PREX2: variants seen among roughly 807,000 people sequenced by gnomAD.
PREX2 encodes phosphatidylinositol 3,4,5-trisphosphate-dependent Rac exchanger 2 protein.
PREX2 carries 107 observed loss-of-function variants against 203.2 expected under a neutral mutation model. The ratio of observed to expected loss-of-function variants is 0.53; its 90% confidence interval spans 0.45 to 0.62. The LOEUF (loss-of-function observed/expected upper bound fraction) is 0.62. Ranked by LOEUF, PREX2 falls within the 20% of genes least tolerant of loss-of-function variation. PREX2 has a pLI of 0.00. For synonymous variants in PREX2, 672 were observed against 663.6 expected, an observed-to-expected ratio of 1.01 and a Z score of -0.19; for missense variants, 1,777 against 1,955.9, an observed-to-expected ratio of 0.91 and a Z score of 1.72.
intron 32 of PREX2, among the ~76,000 whole-genome samples, chr8:68,137,858 G>T (rs949917586): frequency 6.6e-6 from 1 of 152,086 alleles, no homozygotes; most frequent in Non-Finnish European, 1.5e-5. Flanking sequence ...AGACTAAGAC[G>T]CCATAAAGCC....
chr8:68,109,531 A>C lies in PREX2; in HGVS notation c.3054A>C (p.Glu1018Asp), dbSNP rs1810493669. 2 of 1,614,094 alleles carry C rather than the reference A, an allele frequency of 1.2e-6. No homozygotes were observed. Among genetic ancestry groups the C allele is most frequent in the Non-Finnish European group, 1.7e-6 (2 of 1,179,938 alleles). ...GTCTCAGGTATCTGCTAAAAGAAGA[A>C]GACTTAGAAACCCAAGACATCTATC... ...GHGLRYLLKE[E>D]DLETQDIYQK... Residue 1018 changes from glutamate (E) to aspartate (D), a missense_variant, in exon 25 of 40, where the codon GAA (glutamate) becomes GAC (aspartate). Glu to Asp is a conservative substitution (Grantham distance 45, BLOSUM62 2). Transcript: ENST00000288368.
intron 23 of PREX2, among the ~76,000 whole-genome samples, chr8:68,101,083 C>A (rs1810251746): frequency 6.6e-6 from 1 of 152,096 alleles, no homozygotes; most frequent in Non-Finnish European, 1.5e-5. Flanking sequence ...TTATTTCCAT[C>A]CAAATGAAGT....
intron 1 of PREX2, among the ~76,000 whole-genome samples, chr8:67,994,543 C>T (rs1386137409): frequency 1.3e-5 from 2 of 152,022 alleles, no homozygotes; most frequent in Non-Finnish European, 2.9e-5. Flanking sequence ...GATTTATTCT[C>T]CCATAATAAT....
At chr8:68,211,720 C>T (rs1812745512) in intron 37 of PREX2, among the ~76,000 whole-genome samples, 2 of 152,090 alleles carry the variant, frequency 1.3e-5, no homozygotes, top group Admixed American at 1.3e-4. Context: ...TAGTGAAAGA[C>T]AGAGTAAAAA....
At chr8:68,103,476 G>A (rs374395133) in intron 23 of PREX2, 14 of 501,776 alleles carry the variant, frequency 2.8e-5, no homozygotes, top group South Asian at 4.4e-5. Flanking sequence ...TTGTTTATTC[G>A]TGTCAGCGTA....
At chr8:68,116,807 A>G (rs1810669048) in intron 26 of PREX2, among the ~76,000 whole-genome samples, 1 of 152,164 alleles carries the variant, frequency 6.6e-6, no homozygotes, top group East Asian at 1.9e-4. Flanking sequence ...TTTCAAACAT[A>G]TGAATTTTAT....
chr8:68,221,035 G>T (rs759291979), intron 38 of PREX2, among the ~76,000 whole-genome samples: 3 of 152,022 alleles, frequency 2.0e-5, no homozygotes, highest in Non-Finnish European at 2.9e-5. Flanking sequence ...CCCTTTTGGA[G>T]TCCGCAGTAT....
intron 14 of PREX2, among the ~76,000 whole-genome samples, chr8:68,074,461 T>C (rs920373014): frequency 6.6e-6 from 1 of 152,226 alleles, no homozygotes; most frequent in African/African-American, 2.4e-5. Context: ...TACTGCTTAC[T>C]GCAATAGCTG....
At chr8:68,052,378 T>A (rs1563519173) in intron 8 of PREX2, among the ~76,000 whole-genome samples, 1 of 152,190 alleles carries the variant, frequency 6.6e-6, no homozygotes, top group Non-Finnish European at 1.5e-5. Flanking sequence ...TGTATAGGGT[T>A]TGCTGTTGAC....
intron 1 of PREX2, among the ~76,000 whole-genome samples, chr8:67,980,635 C>A (rs756072905): frequency 6.6e-6 from 1 of 152,082 alleles, no homozygotes; most frequent in Non-Finnish European, 1.5e-5. Flanking sequence ...TGTCATAATC[C>A]CCATGTGTCA....
chr8:68,167,250 C>T (rs946136760), intron 35 of PREX2, among the ~76,000 whole-genome samples: 1 of 152,042 alleles, frequency 6.6e-6, no homozygotes. Context: ...CTCAGCATGG[C>T]AGTTGGGATC....
chr8:68,126,847 A>G (rs998721338), intron 30 of PREX2, among the ~76,000 whole-genome samples: 1 of 151,960 alleles, frequency 6.6e-6, no homozygotes, highest in African/African-American at 2.4e-5. Flanking sequence ...AAGAGTATAT[A>G]TATACACACA....
At chr8:68,137,302 C>T (rs1174481617) in intron 32 of PREX2, among the ~76,000 whole-genome samples, 1 of 152,014 alleles carries the variant, frequency 6.6e-6, no homozygotes, top group Non-Finnish European at 1.5e-5. Context: ...GGGTCTTGCT[C>T]TGTCGCCCAG....
chr8:68,224,265 C>T (rs908483325), intron 38 of PREX2, among the ~76,000 whole-genome samples: 4 of 152,132 alleles, frequency 2.6e-5, no homozygotes, highest in South Asian at 2.1e-4. Context: ...AACCCTTCCA[C>T]GTTGGCCCCT....
chr8:68,162,388 A>G (rs192572874), intron 35 of PREX2, among the ~76,000 whole-genome samples: 4 of 152,294 alleles, frequency 2.6e-5, no homozygotes, highest in East Asian at 1.9e-4. Context: ...ATGTGAATTT[A>G]TGTTTAACAA....
At chr8:68,217,783 C>A in intron 38 of PREX2, 65 bp downstream of exon 38, 3 of 1,172,438 alleles carry the variant, frequency 2.6e-6, no homozygotes, top group Non-Finnish European at 3.7e-6. Flanking sequence ...TTCCTTTGTT[C>A]ATTTATCAGG....
chr8:67,993,797 A>G (rs1806680724), intron 1 of PREX2, among the ~76,000 whole-genome samples: 1 of 152,206 alleles, frequency 6.6e-6, no homozygotes, highest in South Asian at 2.1e-4. Flanking sequence ...ATACATATTA[A>G]ATGTCAAGCA....
intron 39 of PREX2, among the ~76,000 whole-genome samples, chr8:68,225,697 T>C (rs1813044894): frequency 6.6e-6 from 1 of 152,228 alleles, no homozygotes; most frequent in Non-Finnish European, 1.5e-5. Context: ...ATTGCACTTA[T>C]TTTTAGTGCT....
At chr8:68,198,754 G>A (rs1258600965) in intron 37 of PREX2, among the ~76,000 whole-genome samples, 1 of 152,194 alleles carries the variant, frequency 6.6e-6, no homozygotes, top group African/African-American at 2.4e-5. Flanking sequence ...AAGGATATGT[G>A]TAAGAAATTT....
Sources: gnomAD v4.1 joint callset for allele counts (sites outside exome capture counted in the v4.1 genomes callset) on GRCh38, gnomAD v4.1.1 for gene constraint, MANE v1.5 for transcripts, NCBI Gene and HGNC (gene_info 2026-07-23, HGNC 2026-07-21) for gene names.